Variants in LUZP1 observed in about 807,000 individuals in gnomAD.
The protein encoded by LUZP1 is filamin mechanobinding actin cross-linking protein.
Under a neutral mutation model 71.3 loss-of-function variants are expected in LUZP1, and 25 were observed. The ratio of observed to expected loss-of-function variants is 0.35; its 90% CI spans 0.26 to 0.49. The LOEUF is 0.49. Ranked by LOEUF, LUZP1 falls within the 20% of genes least tolerant of loss-of-function variation. LUZP1 has a pLI of 0.99. For synonymous variants in LUZP1, 481 were observed against 506.4 expected (o/e 0.95, Z 0.67); for missense variants, 1,142 against 1,300.8 (o/e 0.88, Z 1.88).
At chr1:23,090,968 GACA>G (rs1569855072) in intron 4 of LUZP1, 1 of 718,858 alleles carries the variant, frequency 1.4e-6, no homozygotes, top group Non-Finnish European at 2.6e-6. Context: ...GCAAAATGAA[GACA>G]ACAAATTGGA....
At position 23,094,222 on chromosome 1, in the gene LUZP1, G is replaced by A. The variant is rs765642302; in HGVS notation, c.40C>T (p.Arg14Cys). The change falls in exon 4 of 5, where the codon CGC (arginine) becomes TGC (cysteine). Residue 14 changes from arginine (R) to cysteine (C), a missense_variant. Physicochemically the swap from Arg to Cys is radical, Grantham distance 180 (BLOSUM62 -3). Transcript: ENST00000302291. The surrounding 1 kb of genome is among the most constrained non-coding windows in gnomAD (Gnocchi z 4.7). ...CTCTGTAGCTTAAACCGCAAGTGGC[G>A]GCTGGAGGCCGTCTCCTTGTAGCTT... 104 of 1,612,964 alleles carry A rather than the reference G, an allele frequency of 6.4e-5. No homozygotes were observed. The highest frequency in any genetic ancestry group is 1.6e-4 in the Middle Eastern group (1 of 6,074).
intron 1 of LUZP1, among the ~76,000 whole-genome samples, chr1:23,172,902 C>T (rs186040048): frequency 2.6e-5 from 4 of 151,678 alleles, no homozygotes; most frequent in African/African-American, 7.3e-5. Context: ...GGTGCGATCT[C>T]GGCTCCGCCT....
chr1:23,083,836 A>G (rs532592696), downstream of LUZP1: 1 of 153,106 alleles, frequency 6.5e-6, no homozygotes, highest in Non-Finnish European at 1.5e-5. Context: ...AAAAGAGAAA[A>G]ATGGTTTGAT....
intron 1 of LUZP1, among the ~76,000 whole-genome samples, chr1:23,176,875 G>A (rs886171454): frequency 6.1e-5 from 9 of 147,156 alleles, no homozygotes; most frequent in Non-Finnish European, 1.3e-4. Context: ...ATAATTTTGG[G>A]GGGTTTTTTG....
chr1:23,138,571 A>G (rs1044210714), intron 2 of LUZP1, among the ~76,000 whole-genome samples: 3 of 151,996 alleles, frequency 2.0e-5, no homozygotes, highest in Non-Finnish European at 4.4e-5. Context: ...AAATTAAATA[A>G]TGATGATGGT....
Position 23,093,276 on chromosome 1 carries a change from T to C in LUZP1, c.986A>G (p.Glu329Gly). 1 of 1,612,338 alleles carries C rather than the reference T, an allele frequency of 6.2e-7. No homozygotes were observed. Among genetic ancestry groups the C allele is most frequent in the South Asian group, 1.1e-5 (1 of 90,512 alleles). ...GGCTAATAATTTGTTTTTATTTTGT[T>C]CACTTAGGTAATTATCCTGAAGGTC... Residue 329 changes from glutamate to glycine, a missense_variant, in exon 4 of 5, where the codon GAA becomes GGA. Glu to Gly is a moderately conservative substitution (Grantham distance 98). Coordinates refer to ENST00000302291, the Ensembl canonical transcript of LUZP1. This position sits in a 1 kb window ranked among gnomAD's most constrained non-coding sequence, Gnocchi z 4.2.
intron 2 of LUZP1, among the ~76,000 whole-genome samples, chr1:23,166,420 C>T (rs1274245763): frequency 2.0e-5 from 3 of 151,802 alleles, no homozygotes; most frequent in African/African-American, 7.3e-5. Flanking sequence ...TTTGGGAGGC[C>T]GAGGCGGGCA....
intron 2 of LUZP1, among the ~76,000 whole-genome samples, chr1:23,119,052 A>C (rs574671163): frequency 1.9e-4 from 29 of 152,264 alleles, no homozygotes; most frequent in Non-Finnish European, 4.0e-4. Flanking sequence ...ATGTTGTTTT[A>C]TATTCCCCGT....
intron 3 of LUZP1, among the ~76,000 whole-genome samples, chr1:23,095,032 G>A (rs1232287511): frequency 1.3e-5 from 2 of 152,196 alleles, no homozygotes; most frequent in African/African-American, 2.4e-5. Flanking sequence ...CCAGCCAACA[G>A]GCAGCTTCTA....
chr1:23,093,419 G>A lies in LUZP1; in HGVS notation c.843C>T (p.Arg281=). 1 of 1,613,570 alleles carries A rather than the reference G, an allele frequency of 6.2e-7. No homozygotes were observed. ...CTTTGACTTTGTTGTCTTCCTGATT[G>A]CGGTTCTTTTCATTTTCTGATTTGT... Residue 281 remains arginine (R), a synonymous_variant, in exon 4 of 5, where the codon CGC becomes CGT. Coordinates refer to ENST00000302291, the Ensembl canonical transcript of LUZP1. This position sits in a 1 kb window ranked among gnomAD's most constrained non-coding sequence, Gnocchi z 4.2.
At chr1:23,158,735 G>A (rs1644440633) in intron 2 of LUZP1, among the ~76,000 whole-genome samples, 1 of 150,922 alleles carries the variant, frequency 6.6e-6, no homozygotes, top group Non-Finnish European at 1.5e-5. Flanking sequence ...GGGAGGCGGA[G>A]GTGGGCAGAT....
intron 3 of LUZP1, among the ~76,000 whole-genome samples, chr1:23,099,624 T>A (rs1276928147): frequency 1.3e-5 from 2 of 152,226 alleles, no homozygotes; most frequent in African/African-American, 4.8e-5. Flanking sequence ...TAATTCTGAA[T>A]TCAGAGAGTC....
At chr1:23,160,611 C>A (rs544114887) in intron 2 of LUZP1, among the ~76,000 whole-genome samples, 20 of 152,226 alleles carry the variant, frequency 1.3e-4, no homozygotes, top group South Asian at 2.1e-4. Flanking sequence ...TAAAAAGAAT[C>A]CAAGTTAATA....
At chr1:23,092,343 G>A (rs765904214) in exon 4 of LUZP1, 23 of 1,613,994 alleles carry the variant, frequency 1.4e-5, no homozygotes, top group East Asian at 2.2e-5. Context: ...GGCTTCATGC[G>A]GACTGCTGTC....
intron 2 of LUZP1, among the ~76,000 whole-genome samples, chr1:23,128,956 T>A (rs1281979094): frequency 1.3e-5 from 2 of 152,254 alleles, no homozygotes; most frequent in South Asian, 2.1e-4. Flanking sequence ...AGCATAAGCC[T>A]ATATATTGAT....
chr1:23,142,196 A>G (rs1432475318), intron 2 of LUZP1, among the ~76,000 whole-genome samples: 1 of 150,652 alleles, frequency 6.6e-6, no homozygotes, highest in Non-Finnish European at 1.5e-5. Context: ...ATCTTGCTAC[A>G]TTGCCCAGGC....
intron 2 of LUZP1, among the ~76,000 whole-genome samples, chr1:23,125,524 T>A (rs1644165341): frequency 6.6e-6 from 1 of 152,198 alleles, no homozygotes; most frequent in African/African-American, 2.4e-5. Context: ...TAACTAGAAT[T>A]TTCAATAAAC....
At chr1:23,168,255 G>T (rs1231362164) in intron 2 of LUZP1, among the ~76,000 whole-genome samples, 1 of 142,194 alleles carries the variant, frequency 7.0e-6, no homozygotes, top group African/African-American at 2.6e-5. Flanking sequence ...TGCAGCTCCC[G>T]GGCCCTTCCT....
intron 2 of LUZP1, among the ~76,000 whole-genome samples, chr1:23,121,692 A>C (rs568839330): frequency 4.0e-4 from 61 of 152,170 alleles, no homozygotes; most frequent in Non-Finnish European, 7.4e-4. Flanking sequence ...TGCACTCCAG[A>C]TGACAGAGCA....
Sources: gnomAD v4.1 joint callset for allele counts (sites outside exome capture counted in the v4.1 genomes callset) on GRCh38, gnomAD v4.1.1 for gene constraint, Gnocchi (gnomAD v3.1) non-coding constraint, MANE v1.5 for transcripts, NCBI Gene and HGNC (gene_info 2026-07-23, HGNC 2026-07-21) for gene names.